The following PPARGC1A variants were observed in gnomAD, a reference collection of about 807,000 sequenced individuals.
PPARGC1A encodes the protein PPARG coactivator 1 alpha.
PPARGC1A carries 25 observed loss-of-function variants against 88.7 expected under a neutral mutation model. That is an observed-to-expected ratio of 0.28 (90% CI 0.21 to 0.39). The LOEUF is 0.39. Ranked by LOEUF, PPARGC1A falls within the 10% of genes least tolerant of loss-of-function variation. PPARGC1A has a pLI of 1.00. For synonymous variants in PPARGC1A, 363 were observed against 355.6 expected, an observed-to-expected ratio of 1.02 and a Z score of -0.24; for missense variants, 880 against 968.7, an observed-to-expected ratio of 0.91 and a Z score of 1.22.
intron 2 of PPARGC1A, among the ~76,000 whole-genome samples, chr4:23,853,160 C>A (rs1210228852): frequency 6.6e-6 from 1 of 152,034 alleles, no homozygotes; most frequent in South Asian, 2.1e-4. Context: ...AAGCAAAATA[C>A]AATCAAAATT....
the PPARGC1A span, among the ~76,000 whole-genome samples, chr4:24,295,297 G>A: frequency 3.3e-5 from 5 of 152,246 alleles, no homozygotes; most frequent in East Asian, 9.6e-4. Context: ...CTCTCTTGAC[G>A]TTTGCCAGTT....
upstream of PPARGC1A, among the ~76,000 whole-genome samples, chr4:23,903,547 T>G (rs187023125): frequency 1.3e-5 from 2 of 152,350 alleles, no homozygotes; most frequent in Non-Finnish European, 2.9e-5. Context: ...ATAGTTTAAG[T>G]GTGAGTTCTT....
chr4:23,823,359 C>T (rs111781821), intron 7 of PPARGC1A, among the ~76,000 whole-genome samples: 66 of 151,710 alleles, frequency 4.4e-4, no homozygotes, highest in African/African-American at 1.6e-3. Flanking sequence ...ATCAATAGAC[C>T]CCCAAATAGT....
the PPARGC1A span, among the ~76,000 whole-genome samples, chr4:24,171,499 G>A: frequency 9.9e-5 from 15 of 151,630 alleles, no homozygotes; most frequent in East Asian, 3.9e-4. Context: ...ACCACCAAAC[G>A]TACTATATAT....
At chr4:23,815,125 G>T (rs201991973) in intron 7 of PPARGC1A, among the ~76,000 whole-genome samples, 1 of 121,260 alleles carries the variant, frequency 8.2e-6, no homozygotes, top group African/African-American at 3.0e-5. Flanking sequence ...CAACTTAGAA[G>T]AAAAAAAAAA....
chr4:23,813,179 G>T, intron 8 of PPARGC1A, 54 bp from the exon 9 acceptor site: 1 of 1,466,080 alleles, frequency 6.8e-7, no homozygotes, highest in Non-Finnish European at 9.6e-7. Flanking sequence ...CTTAACCCAA[G>T]TTTATCGGCA....
At chr4:23,936,533 T>C in the PPARGC1A span, among the ~76,000 whole-genome samples, 1 of 152,078 alleles carries the variant, frequency 6.6e-6, no homozygotes, top group African/African-American at 2.4e-5. Context: ...GGTCTGGAGT[T>C]TGAGACCAGC....
the PPARGC1A span, among the ~76,000 whole-genome samples, chr4:24,287,361 A>G: frequency 6.6e-6 from 1 of 152,184 alleles, no homozygotes. Flanking sequence ...CTTAGAGGCT[A>G]CATACTTCAT....
chr4:24,272,524 A>T, the PPARGC1A span, among the ~76,000 whole-genome samples: 1 of 152,142 alleles, frequency 6.6e-6, no homozygotes, highest in Non-Finnish European at 1.5e-5. Flanking sequence ...CAAAAAGAAA[A>T]AATCTTGTGT....
chr4:23,827,289 G>A (rs1433593094), intron 5 of PPARGC1A, among the ~76,000 whole-genome samples: 1 of 152,076 alleles, frequency 6.6e-6, no homozygotes, highest in Non-Finnish European at 1.5e-5. Flanking sequence ...GAAGAGGGAA[G>A]AAAATTCAGA....
At chr4:23,988,918 AATATATACTATATT>A in the PPARGC1A span, among the ~76,000 whole-genome samples, 2 of 147,536 alleles carry the variant, frequency 1.4e-5, no homozygotes, top group Non-Finnish European at 3.0e-5. Flanking sequence ...ATTATTATAT[AATATATACTATATT>A]ATATATAATA....
chr4:24,164,077 T>G, the PPARGC1A span, among the ~76,000 whole-genome samples: 4 of 152,250 alleles, frequency 2.6e-5, 1 homozygote, highest in South Asian at 8.3e-4. Context: ...CTCTGTATTG[T>G]GTCCCATAAT....
the PPARGC1A span, among the ~76,000 whole-genome samples, chr4:24,468,011 T>A: frequency 6.6e-6 from 1 of 152,232 alleles, no homozygotes. Context: ...TAAAGTCAGA[T>A]GTCTGGCCTC....
the PPARGC1A span, among the ~76,000 whole-genome samples, chr4:24,082,617 G>C: frequency 2.6e-5 from 4 of 152,142 alleles, no homozygotes; most frequent in South Asian, 8.3e-4. Context: ...CACTTCTTTT[G>C]ACATTTTTTT....
chr4:24,466,023 G>A, the PPARGC1A span, among the ~76,000 whole-genome samples: 8 of 152,000 alleles, frequency 5.3e-5, no homozygotes, highest in South Asian at 2.1e-4. Flanking sequence ...TTCTTCTGTC[G>A]AATATTTTAT....
At chr4:24,275,320 G>T in the PPARGC1A span, among the ~76,000 whole-genome samples, 1 of 152,182 alleles carries the variant, frequency 6.6e-6, no homozygotes, top group Admixed American at 6.5e-5. Context: ...CTGTAGCATA[G>T]CTCTGGGGAG....
At chr4:24,414,341 A>T in the PPARGC1A span, among the ~76,000 whole-genome samples, 3,821 of 152,268 alleles carry the variant, frequency 0.025, 80 homozygotes, top group Non-Finnish European at 0.036. Flanking sequence ...CCTAACCAAT[A>T]TCTTTTATTC....
rs117441305 is a variant in PPARGC1A at position 23,811,875 on chromosome 4, C to T, written c.2019+872G>A. On this transcript the variant is annotated intron_variant, in intron 10 of 12. Coordinates refer to ENST00000264867, the MANE Select transcript of PPARGC1A (RefSeq NM_013261.5). ...TTACCCAGTTAGATGACGACCATCACGCAGAAGAAATGACTTTTTTTTTTT... is the reference window on the plus strand; with the variant it reads ...TTACCCAGTTAGATGACGACCATCATGCAGAAGAAATGACTTTTTTTTTTT... Among the ~76,000 whole-genome samples the T allele has an allele frequency of 9.4e-4, 127 of 135,212 alleles. 1 individual carries two copies. In the East Asian group the frequency reaches 0.026, roughly 28 times the overall value. 88.7% of individuals were successfully genotyped at this position (135,212 alleles called of 152,430 possible).
At chr4:23,858,543 A>T (rs927523045) in intron 2 of PPARGC1A, among the ~76,000 whole-genome samples, 1 of 152,218 alleles carries the variant, frequency 6.6e-6, no homozygotes. Context: ...CAAAGAGAAG[A>T]GAAGGTTGCT....
Sources: gnomAD v4.1 joint callset for allele counts (sites outside exome capture counted in the v4.1 genomes callset) on GRCh38, gnomAD v4.1.1 for gene constraint, MANE v1.5 for transcripts, NCBI Gene and HGNC (gene_info 2026-07-23, HGNC 2026-07-21) for gene names.